Variants in CHRD observed in about 807,000 individuals in gnomAD.
CHRD encodes chordin.
In CHRD, 69 loss-of-function variants were observed where a neutral mutation model predicts 113.7. That is an observed-to-expected ratio of 0.61 (90% CI 0.50 to 0.74). CHRD has a LOEUF of 0.74. Among genes scored for constraint, CHRD ranks in the 30% least tolerant of loss-of-function variants. The pLI, the probability that CHRD is intolerant of heterozygous loss-of-function variation, is 0.00. For missense variants in CHRD, 1,194 were observed against 1,295.8 expected (o/e 0.92, Z 1.21); for synonymous variants, 561 against 540.8 (o/e 1.04, Z -0.52).
chr3:184,387,185 G>A lies in CHRD; in HGVS notation c.2347+78G>A. On this transcript the variant is annotated intron_variant, in intron 18 of 22. Transcript: ENST00000204604. The surrounding 1 kb of genome is among the most constrained non-coding windows in gnomAD (Gnocchi z 6.1). ...TGAACCAGGAGGGGGACAAGAAGGGGAGAGTATATAGGGGGTGGCCTGAGG... is the reference window on the plus strand; with the variant it reads ...TGAACCAGGAGGGGGACAAGAAGGGAAGAGTATATAGGGGGTGGCCTGAGG... The A allele has an allele frequency of 7.0e-7, 1 of 1,438,628 alleles. No homozygotes were observed. Among genetic ancestry groups the A allele is most frequent in the Non-Finnish European group, 9.8e-7 (1 of 1,022,582 alleles). 89.1% of individuals were successfully genotyped at this position (1,438,628 alleles called of 1,614,324 possible). A position where few individuals can be genotyped will look rare whatever the true frequency, so the allele number is the denominator to read the frequency against.
rs1050709352 is a variant in CHRD at position 184,387,817 on chromosome 3, C to T, written c.2452-114C>T. The T allele has an allele frequency of 6.7e-5, 65 of 972,402 alleles. No individual in the cohort carries two copies. The Admixed American group carries it at 1.3e-3, about 19-fold the overall frequency. The allele number at this position is 972,402 out of a possible 1,614,324, so 60.2% of individuals were successfully genotyped here. A position where few individuals can be genotyped will look rare whatever the true frequency, so the allele number is the denominator to read the frequency against. ...TTAGGTCTATAAAGCCAGTCCGGGC[C>T]TCTGAGTAAAAGGCCACAGAGAGAC... On this transcript the variant is annotated intron_variant, in intron 19 of 22. Transcript: ENST00000204604. This position sits in a 1 kb window ranked among gnomAD's most constrained non-coding sequence, Gnocchi z 6.1.
At chr3:184,386,122 C>T (rs758226724) in exon 15 of CHRD, 1 of 1,614,182 alleles carries the variant, frequency 6.2e-7, no homozygotes, top group Admixed American at 1.7e-5. Flanking sequence ...CTGATGATCA[C>T]CACCAAGGGT....
chr3:184,382,366 G>A, intron 6 of CHRD, 23 bp from the exon 7 acceptor site: 1 of 1,614,106 alleles, frequency 6.2e-7, no homozygotes. Context: ...TGAGCGTAGG[G>A]CCTTCTTGTC....
downstream of CHRD, chr3:184,390,575 C>T (rs1011198229): frequency 6.6e-6 from 1 of 151,944 alleles, no homozygotes; most frequent in Non-Finnish European, 1.5e-5. Flanking sequence ...GAGAATAAGA[C>T]AAGACCCTCC....
Position 184,380,278 on chromosome 3 carries a change from GCCCTCCTCCCT to G in CHRD, c.-30_-20del. The G allele has an allele frequency of 1.4e-6, 1 of 740,638 alleles. No homozygotes were observed. The highest frequency in any genetic ancestry group is 1.7e-6 in the Non-Finnish European group (1 of 585,884). The allele number at this position is 740,638 out of a possible 1,614,324, so 45.9% of individuals were successfully genotyped here. On this transcript the variant is annotated 5_prime_UTR_variant, in exon 1 of 23. Coordinates refer to ENST00000204604, the Ensembl canonical transcript of CHRD. This position sits in a 1 kb window ranked among gnomAD's most constrained non-coding sequence, Gnocchi z 6.3. Reference sequence around the variant, plus strand: ...CCTCCCTCCCTCCGCCCGCTCCCGCGCCCTCCTCCCTCCCTCCTCCCCAGCTGTCCCGTTCG... The same window carrying G: ...CCTCCCTCCCTCCGCCCGCTCCCGCGCCCTCCTCCCCAGCTGTCCCGTTCG...
chr3:184,388,683 G>A lies in CHRD; in HGVS notation c.2651G>A (p.Ser884Asn). 1 of 1,614,038 alleles carries A rather than the reference G, an allele frequency of 6.2e-7. No individual in the cohort carries two copies. The highest frequency in any genetic ancestry group is 1.1e-5 in the South Asian group (1 of 91,086). ...GGGCAGTGGTTCCCAGAGAGTCAGAGCTGGCACCCCTCAGTGCCCCCTTTT... is the reference window on the plus strand; with the variant it reads ...GGGCAGTGGTTCCCAGAGAGTCAGAACTGGCACCCCTCAGTGCCCCCTTTT... The change falls in exon 21 of 23, where the codon AGC (serine) becomes AAC (asparagine). Residue 884 changes from serine (S) to asparagine (N), a missense_variant. By Grantham distance (46) the Ser-to-Asn change is conservative (BLOSUM62 1). Coordinates refer to ENST00000204604, the Ensembl canonical transcript of CHRD. This position sits in a 1 kb window ranked among gnomAD's most constrained non-coding sequence, Gnocchi z 6.1.
rs1164995511 is a variant in CHRD at position 184,382,621 on chromosome 3, G to A, written c.842-13G>A. The A allele has an allele frequency of 3.7e-6, 6 of 1,611,508 alleles. No individual in the cohort carries two copies. Among genetic ancestry groups the A allele is most frequent in the African/African-American group, 2.7e-5 (2 of 74,800 alleles). On this transcript the variant is annotated splice_polypyrimidine_tract_variant and intron_variant, in intron 7 of 22. Coordinates refer to ENST00000204604, the Ensembl canonical transcript of CHRD. ...GGGTTTCTGACGGGCTCTCATCATC[G>A]TCCCTTCCCCAGAGACCTTCAGTGC...
chr3:184,384,432 T>C lies in CHRD; in HGVS notation c.1441-105T>C. ...CCAGGTCCTTATCCTGTGTTTCTGG[T>C]GTGTGGAAGTGTGTGTGGGTGGAGT... On this transcript the variant is annotated intron_variant, in intron 12 of 22. Coordinates refer to ENST00000204604, the Ensembl canonical transcript of CHRD. The surrounding 1 kb of genome is among the most constrained non-coding windows in gnomAD (Gnocchi z 4.4). 7.9e-7 allele frequency: 1 copy of C among 1,258,942 alleles called. No homozygotes were observed. Among genetic ancestry groups the C allele is most frequent in the Non-Finnish European group, 1.0e-6 (1 of 976,226 alleles). The allele number at this position is 1,258,942 out of a possible 1,614,324, so 78.0% of individuals were successfully genotyped here. A position where few individuals can be genotyped will look rare whatever the true frequency, so the allele number is the denominator to read the frequency against.
chr3:184,380,310 G>A lies in CHRD; in HGVS notation c.-9G>A. ...TCCCTCCCTCCTCCCCAGCTGTCCC[G>A]TTCGCGTCATGCCGAGCCTCCCGGC... On this transcript the variant is annotated 5_prime_UTR_variant, in exon 1 of 23. Coordinates refer to ENST00000204604, the Ensembl canonical transcript of CHRD. The surrounding 1 kb of genome is among the most constrained non-coding windows in gnomAD (Gnocchi z 6.3). 2 of 1,201,820 alleles carry A rather than the reference G, an allele frequency of 1.7e-6. No homozygotes were observed. The highest frequency in any genetic ancestry group is 2.1e-6 in the Non-Finnish European group (2 of 949,342). The allele number at this position is 1,201,820 out of a possible 1,614,324, so 74.4% of individuals were successfully genotyped here.
chr3:184,385,399 G>A (rs1357382286), intron 14 of CHRD, among the ~76,000 whole-genome samples, 161 bp downstream of exon 14: 1 of 152,130 alleles, frequency 6.6e-6, no homozygotes, highest in Non-Finnish European at 1.5e-5. Context: ...TGGGTGCAGT[G>A]GCTCAAGCCT....
At position 184,381,778 on chromosome 3, in the gene CHRD, C is replaced by T. The variant is rs1715473495; in HGVS notation, c.574C>T (p.Leu192=). The change falls in exon 5 of 23, where the codon CTG becomes TTG. Residue 192 remains leucine, a synonymous_variant. Transcript: ENST00000204604. The surrounding 1 kb of genome is among the most constrained non-coding windows in gnomAD (Gnocchi z 4.7). ...GGTGGCACGAGCCCGAGTCTCGCTG[C>T]TGCGCTCTAGCCTCCGCTTCTCTAT... 6.2e-7 allele frequency: 1 copy of T among 1,613,250 alleles called. No homozygotes were observed. Among genetic ancestry groups the T allele is most frequent in the Non-Finnish European group, 8.5e-7 (1 of 1,179,952 alleles).
In CHRD at chr3:184,381,017, T is replaced by C; in HGVS notation, c.253-218T>C. The C allele has an allele frequency of 2.7e-6, 2 of 740,368 alleles. No homozygotes were observed. The highest frequency in any genetic ancestry group is 4.8e-6 in the Non-Finnish European group (2 of 419,882). The allele number at this position is 740,368 out of a possible 1,614,324, so 45.9% of individuals were successfully genotyped here. A position where few individuals can be genotyped will look rare whatever the true frequency, so the allele number is the denominator to read the frequency against. ...GTGCCAACTCCGTTTCGTTCCCTGCTCATCTAACTCTCATGGCAGCCTTGC... is the reference window on the plus strand; with the variant it reads ...GTGCCAACTCCGTTTCGTTCCCTGCCCATCTAACTCTCATGGCAGCCTTGC... On this transcript the variant is annotated intron_variant, in intron 2 of 22. Transcript: ENST00000204604. This position sits in a 1 kb window ranked among gnomAD's most constrained non-coding sequence, Gnocchi z 4.7.
chr3:184,382,542 A>C lies in CHRD; in HGVS notation c.841+12A>C, dbSNP rs778156568. The C allele has an allele frequency of 1.9e-6, 3 of 1,613,494 alleles. No homozygotes were observed. The highest frequency in any genetic ancestry group is 2.5e-6 in the Non-Finnish European group (3 of 1,179,920). On this transcript the variant is annotated intron_variant, in intron 7 of 22. Coordinates refer to ENST00000204604, the Ensembl canonical transcript of CHRD. ...GGCCCTGGCTGCAGGTAGGGAGCAA[A>C]GAGCCCCGGGCGTGAAGTTCTGAGT...
At chr3:184,385,066 G>A (rs1488030307) in exon 14 of CHRD, 7 of 1,613,996 alleles carry the variant, frequency 4.3e-6, no homozygotes, top group Non-Finnish European at 5.9e-6. Flanking sequence ...CCTGTGAAGA[G>A]CCAAGCAGCA....
chr3:184,390,604 T>C (rs981157323), downstream of CHRD: 5 of 151,396 alleles, frequency 3.3e-5, no homozygotes, highest in Admixed American at 2.6e-4. Context: ...TACCCTCTTC[T>C]CTCTCCCCTC....
rs1050494250 is a variant in CHRD, at chr3:184,387,303, G to A, written c.2348-71G>A. The A allele has an allele frequency of 6.6e-7, 1 of 1,526,314 alleles. No homozygotes were observed. The highest frequency in any genetic ancestry group is 8.9e-7 in the Non-Finnish European group (1 of 1,126,814). The allele number at this position is 1,526,314 out of a possible 1,614,324, so 94.5% of individuals were successfully genotyped here. ...TTAGGCTCGTGTGGGGGTGGCCTGA[G>A]GCTCAAGCCTTGGTTGTGGGCCCAG... is the stretch of plus-strand genomic sequence containing the variant. On this transcript the variant is annotated intron_variant, in intron 18 of 22. Transcript: ENST00000204604. This position sits in a 1 kb window ranked among gnomAD's most constrained non-coding sequence, Gnocchi z 6.1.
Position 184,381,712 on chromosome 3 carries a change from C to G in CHRD, c.512-4C>G. ...GTGCTCAGGCCATCTTCCTCCCGTC[C>G]CAGACTTCGTGGCGCTGCTGACAGG... On this transcript the variant is annotated splice_polypyrimidine_tract_variant and splice_region_variant and intron_variant, in intron 4 of 22. Coordinates refer to ENST00000204604, the Ensembl canonical transcript of CHRD. This position sits in a 1 kb window ranked among gnomAD's most constrained non-coding sequence, Gnocchi z 4.7. The G allele has an allele frequency of 6.2e-7, 1 of 1,612,790 alleles. No homozygotes were observed. Among genetic ancestry groups the G allele is most frequent in the Middle Eastern group, 1.7e-4 (1 of 6,056 alleles).
rs1716431503 is a variant in CHRD, at chr3:184,387,022, C to T, written c.2291-29C>T. 4 of 1,614,110 alleles carry T rather than the reference C, an allele frequency of 2.5e-6. No homozygotes were observed. Among genetic ancestry groups the T allele is most frequent in the Non-Finnish European group, 3.4e-6 (4 of 1,179,940 alleles). On this transcript the variant is annotated intron_variant, in intron 17 of 22. Coordinates refer to ENST00000204604, the Ensembl canonical transcript of CHRD. The surrounding 1 kb of genome is among the most constrained non-coding windows in gnomAD (Gnocchi z 6.1). The stretch of plus-strand genomic sequence containing the variant: ...GGGAGGGAATGAGGGTGGTCACTCT[C>T]TGCTTTCACCATTTCTTTGGCTCCA...
chr3:184,383,267 C>T (rs369236817), intron 10 of CHRD, 45 bp from the exon 11 acceptor site: 24 of 1,593,132 alleles, frequency 1.5e-5, no homozygotes, highest in Non-Finnish European at 1.9e-5. Context: ...GGGGTGTAAG[C>T]GGCCATGGGG....
Sources: gnomAD v4.1 joint callset for allele counts (sites outside exome capture counted in the v4.1 genomes callset) on GRCh38, gnomAD v4.1.1 for gene constraint, Gnocchi (gnomAD v3.1) non-coding constraint, MANE v1.5 for transcripts, NCBI Gene and HGNC (gene_info 2026-07-23, HGNC 2026-07-21) for gene names.